EP300: variants seen among roughly 807,000 people sequenced by gnomAD.
EP300 encodes histone acetyltransferase p300.
Under a neutral mutation model 264.0 loss-of-function variants are expected in EP300, and 31 were observed. That is an observed-to-expected ratio of 0.12 (90% confidence interval 0.09 to 0.16). The LOEUF (loss-of-function observed/expected upper bound fraction) is 0.16. EP300 is among the 10% of genes least tolerant of loss of function. The pLI is 1.00. For missense variants in EP300, 2,766 were observed against 3,052.9 expected (o/e 0.91, Z 2.21); for synonymous variants, 1,340 against 1,045.4 (o/e 1.28, Z -5.44).
intron 10 of EP300, among the ~76,000 whole-genome samples, chr22:41,143,152 A>C (rs1359529996): frequency 3.0e-4 from 45 of 152,140 alleles, no homozygotes; most frequent in Non-Finnish European, 1.0e-4. Flanking sequence ...ACAGAAAATA[A>C]TAGAAGCATA....
chr22:41,107,698 G>A lies in EP300; in HGVS notation c.95-9489G>A, dbSNP rs60457582. 8.9e-3 allele frequency among the ~76,000 whole-genome samples: 1,346 copies of A among 152,084 alleles called. 27 individuals are homozygous for A. The highest frequency in any genetic ancestry group is 0.031 in the African/African-American group (1,272 of 41,490). The stretch of plus-strand genomic sequence containing the variant: ...GATTTTTGGAAAGGCTAAATGAACC[G>A]AGATTATTTTTTATTTATTTATTTG... On this transcript the variant is annotated intron_variant, in intron 1 of 30. Coordinates refer to ENST00000263253, the MANE Select transcript of EP300 (RefSeq NM_001429.4).
At chr22:41,141,941 T>C (rs1279123161) in intron 10 of EP300, among the ~76,000 whole-genome samples, 1 of 152,168 alleles carries the variant, frequency 6.6e-6, no homozygotes, top group African/African-American at 2.4e-5. Flanking sequence ...CATCCCAAAG[T>C]ACTAGGATTA....
rs2059152930 is a variant in EP300, at chr22:41,168,509, G to A, written c.3935G>A (p.Arg1312Gln). The A allele has an allele frequency of 5.0e-6, 8 of 1,614,164 alleles. No homozygotes were observed. The highest frequency in any genetic ancestry group is 3.3e-5 in the South Asian group (3 of 91,074). The part of the protein sequence containing the change: ...LENRVNDFLR[R>Q]QNHPESGEVT... ...AATCGTGTGAATGACTTTCTGAGGC[G>A]ACAGAATCACCCTGAGTCAGGAGAG... Residue 1312 changes from arginine (R) to glutamine (Q), a missense_variant, in exon 24 of 31, where the codon CGA becomes CAA. Coordinates refer to ENST00000263253, the MANE Select transcript of EP300 (RefSeq NM_001429.4).
chr22:41,107,874 A>AT (rs996891047), intron 1 of EP300, among the ~76,000 whole-genome samples: 108 of 144,598 alleles, frequency 7.5e-4, no homozygotes, highest in East Asian at 2.3e-3. Flanking sequence ...CTAATTTTGT[A>AT]TTTTTTTTTT....
At chr22:41,176,713 A>C in intron 30 of EP300, 60 bp from the exon 31 acceptor site, 1 of 1,613,318 alleles carries the variant, frequency 6.2e-7, no homozygotes, top group Non-Finnish European at 8.5e-7. Context: ...CAATATCTAA[A>C]ATACTTTTGA....
chr22:41,143,301 A>G (rs368171420), intron 10 of EP300, among the ~76,000 whole-genome samples: 147 of 152,136 alleles, frequency 9.7e-4, no homozygotes, highest in African/African-American at 3.4e-3. Context: ...AAAATACAAA[A>G]ATTAGCCAGG....
Position 41,135,822 on chromosome 22 carries a change from C to G in EP300, c.1538C>G (p.Pro513Arg), listed in dbSNP as rs1471843291. The G allele has an allele frequency of 6.2e-7, 1 of 1,612,592 alleles. No homozygotes were observed. The highest frequency in any genetic ancestry group is 1.3e-5 in the African/African-American group (1 of 74,798). Residue 513 changes from proline to arginine, a missense_variant, in exon 7 of 31, where the codon CCT becomes CGT. Coordinates refer to ENST00000263253, the MANE Select transcript of EP300 (RefSeq NM_001429.4). ...TTTCATTTTGACTTAGGTGCTAGTCCTATGGGAGTAAATGGAGGTGTAGGA... is the reference window on the plus strand; with the variant it reads ...TTTCATTTTGACTTAGGTGCTAGTCGTATGGGAGTAAATGGAGGTGTAGGA... ...MRPMSNMSAS[P>R]MGVNGGVGVQ...
At position 41,123,885 on chromosome 22, in the gene EP300, A is replaced by G. The variant is rs569566518; in HGVS notation, c.730-1979A>G. Among the ~76,000 whole-genome samples the G allele has an allele frequency of 1.6e-3, 242 of 152,308 alleles. 1 individual carries two copies. The highest frequency in any genetic ancestry group is 5.6e-3 in the African/African-American group (232 of 41,548). ...GACTTTAGAATAATGCTGTTTTTCA[A>G]TTAATTATTATTATAGTATAATGGC... is the stretch of plus-strand genomic sequence containing the variant. On this transcript the variant is annotated intron_variant, in intron 2 of 30. Transcript: ENST00000263253.
At chr22:41,095,339 G>C (rs1009023364) in intron 1 of EP300, among the ~76,000 whole-genome samples, 7 of 145,016 alleles carry the variant, frequency 4.8e-5, no homozygotes, top group African/African-American at 1.8e-4. Context: ...GGTTAAAGCA[G>C]TTCTGTCTCA....
At chr22:41,123,235 G>A (rs900009354) in intron 2 of EP300, among the ~76,000 whole-genome samples, 3 of 152,152 alleles carry the variant, frequency 2.0e-5, no homozygotes, top group Admixed American at 6.5e-5. Flanking sequence ...TGGCATTAAG[G>A]AGTCAAATAG....
intron 1 of EP300, among the ~76,000 whole-genome samples, chr22:41,093,641 A>G (rs561044757): frequency 3.9e-4 from 60 of 152,310 alleles, no homozygotes; most frequent in African/African-American, 1.4e-3. Flanking sequence ...CAATTCTTTT[A>G]TCTTACCTAC....
At chr22:41,151,424 T>C (rs956034546) in intron 14 of EP300, among the ~76,000 whole-genome samples, 1 of 152,228 alleles carries the variant, frequency 6.6e-6, no homozygotes, top group African/African-American at 2.4e-5. Flanking sequence ...GGGACATCAT[T>C]ATATTTATTG....
chr22:41,177,548 A>G lies in EP300; in HGVS notation c.5837A>G (p.Gln1946Arg). The G allele has an allele frequency of 6.2e-7, 1 of 1,614,132 alleles. No individual in the cohort carries two copies. The highest frequency in any genetic ancestry group is 1.3e-5 in the African/African-American group (1 of 75,030). ...ACGCAGCGCCAGATGGCCCACGTGC[A>G]AATTTTTCAAAGGCCAATCCAACAC... ...AETQRQMAHV[Q>R]IFQRPIQHQM... Residue 1946 changes from glutamine (Q) to arginine (R), a missense_variant, in exon 31 of 31, where the codon CAA (glutamine) becomes CGA (arginine). By Grantham distance (43) the Gln-to-Arg change is conservative. Transcript: ENST00000263253.
intron 10 of EP300, among the ~76,000 whole-genome samples, chr22:41,144,584 T>G (rs2145729918): frequency 6.6e-6 from 1 of 152,150 alleles, no homozygotes; most frequent in Non-Finnish European, 1.5e-5. Context: ...CTCGAACTCC[T>G]GAGCTCAAGA....
chr22:41,167,838 T>TTTC (rs2059148615), intron 23 of EP300, among the ~76,000 whole-genome samples: 1 of 95,460 alleles, frequency 1.0e-5, no homozygotes, highest in Non-Finnish European at 2.1e-5. Context: ...TTTTTTTTTT[T>TTTC]TTTTTTTTTT....
In EP300 at chr22:41,149,896, A is replaced by T; in HGVS notation, c.2515A>T (p.Thr839Ser). ...QNSPSPVPSR[T>S]PTPHHTPPSI... ...TTCACCCTCGCCTGTACCTAGTCGTACCCCCACCCCTCACCATACTCCCCC... is the reference window on the plus strand; with the variant it reads ...TTCACCCTCGCCTGTACCTAGTCGTTCCCCCACCCCTCACCATACTCCCCC... Residue 839 changes from threonine to serine, a missense_variant, in exon 14 of 31, where the codon ACC becomes TCC. Coordinates refer to ENST00000263253, the MANE Select transcript of EP300 (RefSeq NM_001429.4). 6.2e-7 allele frequency: 1 copy of T among 1,613,096 alleles called. No individual in the cohort carries two copies. The highest frequency in any genetic ancestry group is 8.5e-7 in the Non-Finnish European group (1 of 1,179,802).
At position 41,155,053 on chromosome 22, in the gene EP300, T is replaced by G. The variant is rs373351924; in HGVS notation, c.3201T>G (p.Arg1067=). Residue 1067 remains arginine, a synonymous_variant, in exon 17 of 31, where the codon CGT becomes CGG. Coordinates refer to ENST00000263253, the MANE Select transcript of EP300 (RefSeq NM_001429.4). ...ALMPTLEALY[R]QDPESLPFRQ... ...TGCCAACTTTGGAGGCACTTTACCG[T>G]CAGGATCCAGAATCCCTTCCCTTTC... 2 of 1,614,018 alleles carry G rather than the reference T, an allele frequency of 1.2e-6. No individual in the cohort carries two copies. The highest frequency in any genetic ancestry group is 2.7e-5 in the African/African-American group (2 of 74,912).
At position 41,092,738 on chromosome 22, in the gene EP300, G is replaced by A; in HGVS notation, c.-267G>A. The A allele has an allele frequency of 1.6e-6, 1 of 608,536 alleles. No homozygotes were observed. The highest frequency in any genetic ancestry group is 3.0e-6 in the Non-Finnish European group (1 of 335,200). 37.7% of individuals were successfully genotyped at this position (608,536 alleles called of 1,614,324 possible). A position where few individuals can be genotyped will look rare whatever the true frequency, so the allele number is the denominator to read the frequency against. ...TTCTCGGGAATTCGCCGCAGCGGAC[G>A]CGCTCGGCGAATTTGTGCTCTTGTG... is the stretch of plus-strand genomic sequence containing the variant. On this transcript the variant is annotated 5_prime_UTR_variant, in exon 1 of 31. Transcript: ENST00000263253.
Position 41,177,459 on chromosome 22 carries a change from A to G in EP300, c.5748A>G (p.Pro1916=). The G allele has an allele frequency of 6.2e-7, 1 of 1,613,990 alleles. No homozygotes were observed. The highest frequency in any genetic ancestry group is 8.5e-7 in the Non-Finnish European group (1 of 1,180,000). ...CAACCCCTCCTCAGACTGCTCAGCCACCCCTTCCAGGGCCCCCACCTGCAG... is the reference window on the plus strand; with the variant it reads ...CAACCCCTCCTCAGACTGCTCAGCCGCCCCTTCCAGGGCCCCCACCTGCAG... ...TPPTPPQTAQ[P]PLPGPPPAAV... is the part of the protein sequence containing the mutation. Residue 1916 remains proline (P), a synonymous_variant, in exon 31 of 31, where the codon CCA becomes CCG. Transcript: ENST00000263253.
Sources: gnomAD v4.1 joint callset for allele counts (sites outside exome capture counted in the v4.1 genomes callset) on GRCh38, gnomAD v4.1.1 for gene constraint, MANE v1.5 for transcripts, NCBI Gene and HGNC (gene_info 2026-07-23, HGNC 2026-07-21) for gene names.